TMEM232: variants seen among roughly 807,000 people sequenced by gnomAD.
The protein encoded by TMEM232 is transmembrane protein 232.
A neutral mutation model predicts 78.8 loss-of-function variants in TMEM232; 80 were observed. That is an observed-to-expected ratio of 1.01 (90% CI 0.85 to 1.22). The LOEUF (loss-of-function observed/expected upper bound fraction) is 1.22, where lower values mean the gene tolerates loss of function less well. TMEM232 is among the 50% of genes most tolerant of loss of function. The pLI, the probability that TMEM232 is intolerant of heterozygous loss-of-function variation, is 0.00. For missense variants in TMEM232, 881 were observed against 742.2 expected, an observed-to-expected ratio of 1.19 and a Z score of -2.17; for synonymous variants, 297 against 254.3, an observed-to-expected ratio of 1.17 and a Z score of -1.60.
At chr5:110,507,463 G>T (rs998480159) in intron 12 of TMEM232, among the ~76,000 whole-genome samples, 1 of 152,130 alleles carries the variant, frequency 6.6e-6, no homozygotes, top group African/African-American at 2.4e-5. Flanking sequence ...AATAAATCTG[G>T]AAAGTTTACC....
At chr5:110,462,754 C>T (rs1761673462) in intron 12 of TMEM232, among the ~76,000 whole-genome samples, 1 of 152,080 alleles carries the variant, frequency 6.6e-6, no homozygotes, top group South Asian at 2.1e-4. Context: ...TACATCTATC[C>T]TATTAGTTCT....
chr5:110,689,908 G>A (rs1793892823), intron 1 of TMEM232, among the ~76,000 whole-genome samples: 1 of 152,052 alleles, frequency 6.6e-6, no homozygotes, highest in African/African-American at 2.4e-5. Context: ...TTTAATAAAT[G>A]GTATTGGGAA....
intron 12 of TMEM232, among the ~76,000 whole-genome samples, chr5:110,442,302 T>C (rs1759147216): frequency 6.6e-6 from 1 of 152,002 alleles, no homozygotes; most frequent in Admixed American, 6.6e-5. Context: ...AGATACTCAT[T>C]CCCTTTTATT....
At chr5:110,452,619 TA>T (rs1246355427) in intron 12 of TMEM232, among the ~76,000 whole-genome samples, 5 of 152,182 alleles carry the variant, frequency 3.3e-5, no homozygotes, top group African/African-American at 7.2e-5. Flanking sequence ...AAAATGTGTC[TA>T]AAAAAAGACA....
At chr5:110,738,377 T>C (rs1799437798), upstream of TMEM232, 4 of 564,534 alleles carry the variant, frequency 7.1e-6, no homozygotes, top group East Asian at 1.3e-4. Flanking sequence ...CAGAAAACTA[T>C]AGTTTCTTTA....
At chr5:110,711,756 T>G (rs1344293195) in intron 1 of TMEM232, among the ~76,000 whole-genome samples, 2 of 152,102 alleles carry the variant, frequency 1.3e-5, no homozygotes, top group East Asian at 3.9e-4. Flanking sequence ...AACAAGACCC[T>G]TGTCTCTTGA....
intron 1 of TMEM232, among the ~76,000 whole-genome samples, chr5:110,692,674 G>T (rs114180692): frequency 1.3e-5 from 2 of 152,330 alleles, no homozygotes; most frequent in African/African-American, 4.8e-5. Context: ...GGCGCAGAGG[G>T]TCTTACACCC....
chr5:110,448,838 C>T (rs1031224034), intron 12 of TMEM232, among the ~76,000 whole-genome samples: 1 of 151,520 alleles, frequency 6.6e-6, no homozygotes, highest in African/African-American at 2.4e-5. Context: ...ATATGAGCTC[C>T]AAATCACTGG....
chr5:110,731,930 C>T (rs1798713694), intron 2 of TMEM232, among the ~76,000 whole-genome samples: 1 of 152,164 alleles, frequency 6.6e-6, no homozygotes, highest in African/African-American at 2.4e-5. Context: ...ATTTTCTGAA[C>T]TTTTATGCTC....
intron 12 of TMEM232, among the ~76,000 whole-genome samples, chr5:110,520,605 C>T (rs971813138): frequency 2.0e-5 from 3 of 152,150 alleles, no homozygotes; most frequent in African/African-American, 7.2e-5. Context: ...GCTTGAGAAA[C>T]ATCCCAAAAT....
rs34606644 is a variant in TMEM232 at position 110,675,013 on chromosome 5, CTATT to C, written c.-12-7653_-12-7650del. Among the ~76,000 whole-genome samples the C allele has an allele frequency of 2.4e-3, 360 of 149,786 alleles. 1 individual carries two copies. Among genetic ancestry groups the C allele is most frequent in the African/African-American group, 7.4e-3 (299 of 40,390 alleles). On this transcript the variant is annotated intron_variant, in intron 1 of 13. Coordinates refer to ENST00000455884, the MANE Select transcript of TMEM232 (RefSeq NM_001039763.4). Reference sequence around the variant, plus strand: ...AGAAAAGCTTGCATTTGTTATTATTCTATTTATTTATTTATTTATTTATTTATTT... The same window carrying C: ...AGAAAAGCTTGCATTTGTTATTATTCTATTTATTTATTTATTTATTTATTT...
At chr5:110,426,306 G>T (rs1252557399) in intron 12 of TMEM232, among the ~76,000 whole-genome samples, 1 of 151,928 alleles carries the variant, frequency 6.6e-6, no homozygotes, top group South Asian at 2.1e-4. Flanking sequence ...CCTGAGTAGA[G>T]TATGAGCTAC....
chr5:110,612,817 T>C (rs1325351740), intron 8 of TMEM232, among the ~76,000 whole-genome samples: 1 of 152,172 alleles, frequency 6.6e-6, no homozygotes, highest in African/African-American at 2.4e-5. Context: ...GGCTAATAAT[T>C]CAATTATAAA....
rs571339667 is a variant in TMEM232, at chr5:110,604,259, T to G, written c.1276+850A>C. Among the ~76,000 whole-genome samples the G allele has an allele frequency of 8.5e-5, 13 of 152,322 alleles. No individual in the cohort carries two copies. The East Asian group carries it at 2.5e-3, about 29-fold the overall frequency. ...TTTTTTCAACCACAAAAGACTACTTTGAGTTAACATTGTCCCCATAGTACT... is the reference window on the plus strand; with the variant it reads ...TTTTTTCAACCACAAAAGACTACTTGGAGTTAACATTGTCCCCATAGTACT... On this transcript the variant is annotated intron_variant, in intron 10 of 13. Coordinates refer to ENST00000455884, the MANE Select transcript of TMEM232 (RefSeq NM_001039763.4).
chr5:110,514,592 T>G (rs1768319620), intron 12 of TMEM232, among the ~76,000 whole-genome samples: 1 of 152,138 alleles, frequency 6.6e-6, no homozygotes, highest in Non-Finnish European at 1.5e-5. Flanking sequence ...TTAAGTAACT[T>G]ACTTTAAATC....
intron 2 of TMEM232, among the ~76,000 whole-genome samples, chr5:110,403,529 A>C (rs1277003314): frequency 1.3e-5 from 2 of 152,110 alleles, no homozygotes; most frequent in African/African-American, 4.8e-5. Flanking sequence ...TTCATAGCTC[A>C]GAAGATTTTA....
chr5:110,709,345 A>G (rs1796244343), intron 1 of TMEM232, among the ~76,000 whole-genome samples: 2 of 152,110 alleles, frequency 1.3e-5, no homozygotes, highest in African/African-American at 4.8e-5. Context: ...AAATCGACAA[A>G]GAAACATCAA....
chr5:110,527,529 T>A (rs1770772343), intron 12 of TMEM232, among the ~76,000 whole-genome samples: 2 of 152,004 alleles, frequency 1.3e-5, no homozygotes, highest in African/African-American at 4.8e-5. Context: ...CAGGTAAGTT[T>A]ATCCACTGGG....
rs192111787 is a variant in TMEM232 at position 110,434,462 on chromosome 5, T to G, written c.1704-9546A>C. The stretch of plus-strand genomic sequence containing the variant: ...GACCATTAAAACGTTGAATAAGTAA[T>G]AATAATAATAAACCTACCAACCAAA... On this transcript the variant is annotated intron_variant, in intron 12 of 13. Transcript: ENST00000455884. Among the ~76,000 whole-genome samples the G allele has an allele frequency of 3.3e-5, 5 of 151,666 alleles. No homozygotes were observed. The East Asian group carries it at 9.7e-4, about 29-fold the overall frequency.
Sources: gnomAD v4.1 joint callset for allele counts (sites outside exome capture counted in the v4.1 genomes callset) on GRCh38, gnomAD v4.1.1 for gene constraint, MANE v1.5 for transcripts, NCBI Gene and HGNC (gene_info 2026-07-23, HGNC 2026-07-21) for gene names.